Variants in RGS8 observed in about 807,000 individuals in gnomAD.
RGS8 encodes the protein regulator of G protein signaling 8.
RGS8 carries 8 observed loss-of-function variants against 21.7 expected under a neutral mutation model. The observed-to-expected ratio is 0.37, with a 90% CI of 0.22 to 0.66. The LOEUF is 0.66. Ranked by LOEUF, RGS8 falls within the 30% of genes least tolerant of loss-of-function variation. The probability of loss-of-function intolerance (pLI) is 0.59; values close to 1 mark genes in which losing one functional copy is unlikely to be tolerated. For missense variants in RGS8, 157 were observed against 217.9 expected (o/e 0.72, Z 1.76); for synonymous variants, 80 against 83.6 (o/e 0.96, Z 0.24).
chr1:182,704,310 A>C, the RGS8 span, among the ~76,000 whole-genome samples: 1 of 152,232 alleles, frequency 6.6e-6, no homozygotes, highest in Admixed American at 6.5e-5. Flanking sequence ...GCACATCTGC[A>C]GGTGTTGAAG....
chr1:182,687,055 C>T (rs750101133), upstream of RGS8, among the ~76,000 whole-genome samples: 1 of 152,028 alleles, frequency 6.6e-6, no homozygotes, highest in Non-Finnish European at 1.5e-5. Flanking sequence ...AGGTGACCAC[C>T]GGGAACGTGG....
At chr1:182,723,984 T>C in the RGS8 span, among the ~76,000 whole-genome samples, 1 of 151,880 alleles carries the variant, frequency 6.6e-6, no homozygotes, top group Admixed American at 6.6e-5. Flanking sequence ...GATAATGTGA[T>C]AGTTAATACT....
the RGS8 span, among the ~76,000 whole-genome samples, chr1:182,707,206 C>A: frequency 3.3e-5 from 5 of 152,056 alleles, no homozygotes; most frequent in Admixed American, 2.0e-4. Flanking sequence ...GGAACAAAAA[C>A]AAGATTGTGC....
chr1:182,668,463 CT>C (rs1663983355), intron 3 of RGS8, among the ~76,000 whole-genome samples: 1 of 152,224 alleles, frequency 6.6e-6, no homozygotes, highest in Non-Finnish European at 1.5e-5. Context: ...ATCTCTTTTA[CT>C]TCAAATGGAT....
the RGS8 span, among the ~76,000 whole-genome samples, chr1:182,706,670 T>C: frequency 6.6e-6 from 1 of 151,742 alleles, no homozygotes; most frequent in East Asian, 2.0e-4. Flanking sequence ...TTTCACCATG[T>C]TGGCCAGGCT....
intron 5 of RGS8, among the ~76,000 whole-genome samples, chr1:182,658,822 C>T (rs1025717748): frequency 1.3e-5 from 2 of 152,082 alleles, no homozygotes; most frequent in Non-Finnish European, 2.9e-5. Flanking sequence ...ACTCCAGCCC[C>T]GGCAACAGAG....
downstream of RGS8, chr1:182,643,323 G>GCCCCCCCCCCCCCCCCCC (rs567593931): frequency 3.2e-5 from 1 of 31,474 alleles, no homozygotes; most frequent in Non-Finnish European, 6.5e-5. Context: ...CCCTCCCCCA[G>GCCCCCCCCCCCCCCCCCC]CCCCCCCGCC....
intron 1 of RGS8, among the ~76,000 whole-genome samples, chr1:182,680,226 G>T (rs1269438499): frequency 6.6e-6 from 1 of 152,152 alleles, no homozygotes; most frequent in Non-Finnish European, 1.5e-5. Context: ...TAGGGATAAA[G>T]TTCCAGCTTA....
At chr1:182,708,949 C>T in the RGS8 span, among the ~76,000 whole-genome samples, 3 of 152,166 alleles carry the variant, frequency 2.0e-5, no homozygotes, top group Non-Finnish European at 4.4e-5. Context: ...ATGACCTGTG[C>T]GGCCTGCCAA....
the RGS8 span, among the ~76,000 whole-genome samples, chr1:182,728,263 C>G: frequency 6.6e-6 from 1 of 152,166 alleles, no homozygotes; most frequent in East Asian, 1.9e-4. Context: ...CAGTGCATTC[C>G]TAAGAAAATA....
chr1:182,735,839 A>G, the RGS8 span, among the ~76,000 whole-genome samples: 1 of 152,182 alleles, frequency 6.6e-6, no homozygotes, highest in Admixed American at 6.5e-5. Flanking sequence ...TTCCCCTCAC[A>G]GAGACACAGG....
At chr1:182,653,398 AG>A (rs562699328) in intron 5 of RGS8, among the ~76,000 whole-genome samples, 83 of 150,820 alleles carry the variant, frequency 5.5e-4, no homozygotes, top group Non-Finnish European at 8.4e-4. Context: ...TTTTTTTTTA[AG>A]ATAGACTTGG....
At chr1:182,667,799 G>A (rs1256838135) in intron 3 of RGS8, among the ~76,000 whole-genome samples, 3 of 151,920 alleles carry the variant, frequency 2.0e-5, no homozygotes, top group Non-Finnish European at 4.4e-5. Context: ...GTCTCTTTCT[G>A]ACTCCCAACA....
the RGS8 span, among the ~76,000 whole-genome samples, chr1:182,713,372 T>C: frequency 2.0e-5 from 3 of 152,068 alleles, 1 homozygote; most frequent in South Asian, 6.3e-4. Context: ...TTAGTAGAGA[T>C]GGGGTTTCAC....
chr1:182,656,775 G>A (rs1663300490), intron 5 of RGS8, among the ~76,000 whole-genome samples: 1 of 152,142 alleles, frequency 6.6e-6, no homozygotes, highest in Non-Finnish European at 1.5e-5. Context: ...TTCCTGGGAG[G>A]GTCTGGACCT....
chr1:182,682,673 C>A (rs995450467), intron 1 of RGS8, among the ~76,000 whole-genome samples: 2 of 152,164 alleles, frequency 1.3e-5, no homozygotes, highest in Non-Finnish European at 2.9e-5. Context: ...GTGGAGGGCC[C>A]AGGGTAATTC....
At chr1:182,696,392 C>G in the RGS8 span, among the ~76,000 whole-genome samples, 1 of 152,134 alleles carries the variant, frequency 6.6e-6, no homozygotes, top group Non-Finnish European at 1.5e-5. Context: ...ATGTCTGGCT[C>G]TGTCACCCAG....
At chr1:182,671,096 C>G (rs947819901) in intron 2 of RGS8, among the ~76,000 whole-genome samples, 1 of 152,202 alleles carries the variant, frequency 6.6e-6, no homozygotes, top group Admixed American at 6.5e-5. Flanking sequence ...CTTCTGTCCC[C>G]GCCTTGTCTC....
At chr1:182,751,401 G>A in the RGS8 span, among the ~76,000 whole-genome samples, 1 of 152,196 alleles carries the variant, frequency 6.6e-6, no homozygotes, top group Non-Finnish European at 1.5e-5. Flanking sequence ...AACCCTATTA[G>A]GTGTCAGGTA....
Sources: allele counts gnomAD v4.1 joint callset (sites outside exome capture counted in the v4.1 genomes callset), GRCh38; gene constraint gnomAD v4.1.1; transcripts MANE v1.5; gene names NCBI Gene and HGNC (gene_info 2026-07-23, HGNC 2026-07-21).